Variants in DLG2 observed in about 807,000 individuals in gnomAD.
DLG2 encodes the protein discs large MAGUK scaffold protein 2.
In DLG2, 45 loss-of-function variants were observed where a neutral mutation model predicts 132.5. That is an observed-to-expected ratio of 0.34 (90% CI 0.27 to 0.44). The LOEUF (loss-of-function observed/expected upper bound fraction) is 0.44. Ranked by LOEUF, DLG2 falls within the 20% of genes least tolerant of loss-of-function variation. The pLI, the probability that DLG2 is intolerant of heterozygous loss-of-function variation, is 1.00. For synonymous variants in DLG2, 424 were observed against 419.6 expected, an observed-to-expected ratio of 1.01 and a Z score of -0.13; for missense variants, 1,045 against 1,196.9, an observed-to-expected ratio of 0.87 and a Z score of 1.87.
chr11:85,459,865 A>G (rs2092548149), intron 3 of DLG2, among the ~76,000 whole-genome samples: 1 of 152,200 alleles, frequency 6.6e-6, no homozygotes, highest in African/African-American at 2.4e-5. Context: ...GGCCCTGCCT[A>G]GTAAGAAACA....
chr11:83,825,068 TACACATATATATAC>T (rs1277985255), intron 17 of DLG2, among the ~76,000 whole-genome samples: 14 of 148,868 alleles, frequency 9.4e-5, no homozygotes, highest in African/African-American at 3.4e-4. Flanking sequence ...TTTTTATATA[TACACATATATATAC>T]ACACATATAT....
rs568992819 is a variant in DLG2, at chr11:84,601,353, G to A, written c.358-66622C>T. Among the ~76,000 whole-genome samples, 15 of 152,228 alleles carry A rather than the reference G, an allele frequency of 9.9e-5. 3 individuals are homozygous for A. Among genetic ancestry groups the A allele is most frequent in the Admixed American group, 9.1e-4 (14 of 15,302 alleles). On this transcript the variant is annotated intron_variant, in intron 6 of 27. Transcript: ENST00000376104. Reference sequence around the variant, plus strand: ...TTAAGAAGCATTAGGAAAAATACCCGTGGAAACTACAATTGTGAGAAAAAT... The same window carrying A: ...TTAAGAAGCATTAGGAAAAATACCCATGGAAACTACAATTGTGAGAAAAAT...
chr11:85,311,216 A>T (rs938579462), intron 3 of DLG2, among the ~76,000 whole-genome samples: 1 of 152,196 alleles, frequency 6.6e-6, no homozygotes, highest in Admixed American at 6.5e-5. Flanking sequence ...GATGTTGTCC[A>T]TTACAGATGA....
chr11:85,486,158 G>T (rs1051370271), intron 3 of DLG2, among the ~76,000 whole-genome samples: 2 of 151,158 alleles, frequency 1.3e-5, no homozygotes, highest in Non-Finnish European at 2.9e-5. Context: ...CTGGGCTAGG[G>T]TTGTTGCTGC....
At chr11:85,489,776 T>C (rs1171305008) in intron 3 of DLG2, among the ~76,000 whole-genome samples, 3 of 152,146 alleles carry the variant, frequency 2.0e-5, no homozygotes, top group Non-Finnish European at 2.9e-5. Context: ...TCAGAAGCTA[T>C]ACGAACACAT....
At chr11:84,622,824 C>T (rs1383878901) in intron 6 of DLG2, among the ~76,000 whole-genome samples, 1 of 152,064 alleles carries the variant, frequency 6.6e-6, no homozygotes, top group Non-Finnish European at 1.5e-5. Context: ...CTTTGAATGC[C>T]ATGTATGTTC....
chr11:85,045,677 C>A (rs1256208870), intron 6 of DLG2, among the ~76,000 whole-genome samples: 1 of 151,804 alleles, frequency 6.6e-6, no homozygotes, highest in Admixed American at 6.6e-5. Flanking sequence ...TTTAAAAGAC[C>A]AAGTTTTCAA....
At chr11:83,790,075 C>T (rs967604919) in intron 17 of DLG2, 3 of 1,127,962 alleles carry the variant, frequency 2.7e-6, no homozygotes, top group Non-Finnish European at 3.8e-6. Flanking sequence ...GACACAGGTA[C>T]TGCAACGAGT....
intron 6 of DLG2, among the ~76,000 whole-genome samples, chr11:84,950,626 T>C (rs1034448337): frequency 6.6e-6 from 1 of 152,156 alleles, no homozygotes; most frequent in African/African-American, 2.4e-5. Flanking sequence ...ATAGGGTGAA[T>C]AAAACAGATA....
intron 11 of DLG2, among the ~76,000 whole-genome samples, chr11:84,011,424 C>G (rs2094884549): frequency 6.6e-6 from 1 of 152,078 alleles, no homozygotes; most frequent in East Asian, 1.9e-4. Flanking sequence ...TGAGTTGTGA[C>G]AGTACCACTG....
intron 6 of DLG2, among the ~76,000 whole-genome samples, chr11:84,645,070 T>G (rs1367552080): frequency 6.6e-6 from 1 of 152,132 alleles, no homozygotes; most frequent in Non-Finnish European, 1.5e-5. Context: ...TTCAAAACCA[T>G]GACCTTACCC....
At chr11:85,148,787 C>T (rs1006341293) in intron 5 of DLG2, among the ~76,000 whole-genome samples, 1 of 152,156 alleles carries the variant, frequency 6.6e-6, no homozygotes, top group Admixed American at 6.5e-5. Context: ...GCTTTTGTTG[C>T]TATTGCTTTT....
intron 3 of DLG2, among the ~76,000 whole-genome samples, chr11:85,518,040 A>G (rs2094203815): frequency 6.6e-6 from 1 of 152,178 alleles, no homozygotes; most frequent in Non-Finnish European, 1.5e-5. Context: ...GTGGAACTGT[A>G]AGTCCAAATA....
intron 15 of DLG2, among the ~76,000 whole-genome samples, chr11:83,875,095 T>C (rs780042587): frequency 5.9e-5 from 9 of 152,122 alleles, no homozygotes; most frequent in Non-Finnish European, 1.3e-4. Flanking sequence ...GATGTATTTA[T>C]TAGTTCAAAT....
intron 8 of DLG2, among the ~76,000 whole-genome samples, chr11:84,222,034 T>G (rs183377971): frequency 6.6e-6 from 1 of 152,178 alleles, no homozygotes; most frequent in East Asian, 1.9e-4. Context: ...TAAGTTCTAT[T>G]TTTTTTATTT....
intron 15 of DLG2, among the ~76,000 whole-genome samples, chr11:83,888,706 T>C (rs568224070): frequency 6.6e-6 from 1 of 152,248 alleles, no homozygotes; most frequent in South Asian, 2.1e-4. Context: ...ACTTGTAGTA[T>C]ACTACAAGGC....
intron 6 of DLG2, among the ~76,000 whole-genome samples, chr11:85,025,481 T>G (rs566861812): frequency 1.3e-5 from 2 of 152,352 alleles, no homozygotes; most frequent in South Asian, 4.1e-4. Context: ...TTTGGGAAAT[T>G]TAGTTCTTCT....
chr11:84,691,789 CTG>C (rs2058077420), intron 6 of DLG2, among the ~76,000 whole-genome samples: 1 of 151,630 alleles, frequency 6.6e-6, no homozygotes, highest in African/African-American at 2.4e-5. Context: ...ATGGTCAACA[CTG>C]ATTGAAATAG....
chr11:85,248,467 G>C (rs2076242821), intron 4 of DLG2, among the ~76,000 whole-genome samples: 1 of 151,662 alleles, frequency 6.6e-6, no homozygotes. Flanking sequence ...TCAAAGATTT[G>C]CTTCAAAGTC....
Sources: gnomAD v4.1 joint callset for allele counts (sites outside exome capture counted in the v4.1 genomes callset) on GRCh38, gnomAD v4.1.1 for gene constraint, MANE v1.5 for transcripts, NCBI Gene and HGNC (gene_info 2026-07-23, HGNC 2026-07-21) for gene names.